Variants in VSX1 observed in about 807,000 individuals in gnomAD.
The protein encoded by VSX1 is visual system homeobox 1, also known as homeodomain protein RINX.
VSX1 carries 23 observed loss-of-function variants against 23.6 expected under a neutral mutation model. That is an observed-to-expected ratio of 0.97 (90% CI 0.70 to 1.38). The LOEUF (loss-of-function observed/expected upper bound fraction) is 1.38. Ranked by LOEUF, VSX1 falls within the 40% of genes most tolerant of loss-of-function variation. The pLI is 0.00. For synonymous variants in VSX1, 247 were observed against 215.1 expected (o/e 1.15, Z -1.30); for missense variants, 517 against 495.4 (o/e 1.04, Z -0.41).
At position 25,076,502 on chromosome 20, in the gene VSX1, T is replaced by C; in HGVS notation, c.857A>G (p.Asp286Gly). Residue 286 changes from aspartate to glycine, a missense_variant, in exon 5 of 5, where the codon GAT becomes GGT. Physicochemically the swap from Asp to Gly is moderately conservative, Grantham distance 94 (BLOSUM62 -1). Transcript: ENST00000376709. ...AGAGCCCCAGAGTCCTGCCAACTTA[T>C]CTTCACTTCCTGGCTTCCTTATCAT... ...MGMIRKPGSE[D>G]KLAGLWGSDH... The C allele has an allele frequency of 1.2e-6, 2 of 1,613,834 alleles. No homozygotes were observed. The highest frequency in any genetic ancestry group is 1.7e-6 in the Non-Finnish European group (2 of 1,179,932).
At position 25,078,778 on chromosome 20, in the gene VSX1, T is replaced by C. The variant is rs548563431; in HGVS notation, c.627+51A>G. On this transcript the variant is annotated intron_variant, in intron 3 of 4. Coordinates refer to ENST00000376709, the MANE Select transcript of VSX1 (RefSeq NM_014588.6). ...CTGATTGGCTCACTGAATGTGGGAA[T>C]GACACGTTCTCTGTGGTATCTTTGG... 3 of 1,614,182 alleles carry C rather than the reference T, an allele frequency of 1.9e-6. No individual in the cohort carries two copies. In the African/African-American group the frequency reaches 4.0e-5, roughly 22 times the overall value.
Position 25,082,125 on chromosome 20 carries a change from C to G in VSX1, c.-29G>C. ...TCCTTAGCAAGCAAGGCGCGAGCCTCTCTGGATCCCGTTTGCGGAGGGCCC... is the reference window on the plus strand; with the variant it reads ...TCCTTAGCAAGCAAGGCGCGAGCCTGTCTGGATCCCGTTTGCGGAGGGCCC... On this transcript the variant is annotated 5_prime_UTR_variant, in exon 1 of 5. Coordinates refer to ENST00000376709, the MANE Select transcript of VSX1 (RefSeq NM_014588.6). 1 of 1,536,536 alleles carries G rather than the reference C, an allele frequency of 6.5e-7. No homozygotes were observed. Among genetic ancestry groups the G allele is most frequent in the South Asian group, 1.2e-5 (1 of 84,146 alleles).
chr20:25,076,058 G>A lies in VSX1; in HGVS notation c.*203C>T. On this transcript the variant is annotated 3_prime_UTR_variant, in exon 5 of 5. Transcript: ENST00000376709. ...GTTAACTGGTTAAAGTGCCATTAAG[G>A]AACCGTTTCCATTCTAGAATGAAAT... 1 of 683,638 alleles carries A rather than the reference G, an allele frequency of 1.5e-6. No homozygotes were observed. Among genetic ancestry groups the A allele is most frequent in the East Asian group, 2.8e-5 (1 of 36,298 alleles). 42.3% of individuals were successfully genotyped at this position (683,638 alleles called of 1,614,324 possible).
Position 25,078,883 on chromosome 20 carries a change from C to T in VSX1, c.573G>A (p.Val191=), listed in dbSNP as rs763260738. The change falls in exon 3 of 5, where the codon GTG becomes GTA. Residue 191 remains valine (V), a synonymous_variant. Coordinates refer to ENST00000376709, the MANE Select transcript of VSX1 (RefSeq NM_014588.6). ...KAFSEAHYPD[V]YAREMLAVKT... The stretch of plus-strand genomic sequence containing the variant: ...TCACAGCCAGCATTTCTCGGGCATA[C>T]ACATCAGGGTAGTGGGCCTCGCTGA... 4.3e-6 allele frequency: 7 copies of T among 1,614,110 alleles called. No individual in the cohort carries two copies. Among genetic ancestry groups the T allele is most frequent in the South Asian group, 1.1e-5 (1 of 91,090 alleles).
chr20:25,081,811 C>T lies in VSX1; in HGVS notation c.286G>A (p.Ala96Thr). 2.0e-6 allele frequency: 3 copies of T among 1,501,840 alleles called. No individual in the cohort carries two copies. The highest frequency in any genetic ancestry group is 1.4e-5 in the African/African-American group (1 of 69,096). The allele number at this position is 1,501,840 out of a possible 1,614,324, so 93.0% of individuals were successfully genotyped here. The change falls in exon 1 of 5, where the codon GCT (alanine) becomes ACT (threonine). Residue 96 changes from alanine (A) to threonine (T), a missense_variant. Coordinates refer to ENST00000376709, the MANE Select transcript of VSX1 (RefSeq NM_014588.6). The part of the protein sequence containing the change: ...CGFGTQPPAA[A>T]RAPCLLLADV... ...GCTAGGAGCAGGCAGGGTGCTCGAGCGGCCGCCGGCGGCTGCGTGCCGAAG... is the reference window on the plus strand; with the variant it reads ...GCTAGGAGCAGGCAGGGTGCTCGAGTGGCCGCCGGCGGCTGCGTGCCGAAG...
downstream of VSX1, among the ~76,000 whole-genome samples, chr20:25,073,704 GA>G (rs2089429085): frequency 6.6e-6 from 1 of 152,220 alleles, no homozygotes; most frequent in Non-Finnish European, 1.5e-5. Flanking sequence ...ACTCCTTGAT[GA>G]AATGTGGCCA....
chr20:25,077,794 G>A lies in VSX1; in HGVS notation c.699C>T (p.Ala233=). Residue 233 remains alanine (A), a synonymous_variant, in exon 4 of 5, where the codon GCC becomes GCT. Coordinates refer to ENST00000376709, the MANE Select transcript of VSX1 (RefSeq NM_014588.6). ...EKRWGGSSVM[A]EYGLYGAMVR... The stretch of plus-strand genomic sequence containing the variant: ...CCATGGCCCCGTACAGCCCGTACTC[G>A]GCCATCACGCTGCTGCCGCCCCAGC... 1.9e-6 allele frequency: 3 copies of A among 1,551,182 alleles called. No individual in the cohort carries two copies. Among genetic ancestry groups the A allele is most frequent in the Non-Finnish European group, 2.6e-6 (3 of 1,147,024 alleles).
In VSX1 at chr20:25,079,501, C is replaced by G; in HGVS notation, c.438G>C (p.Gln146His). The change falls in exon 2 of 5, where the codon CAG (glutamine) becomes CAC (histidine). Residue 146 changes from glutamine (Q) to histidine (H), a missense_variant. By Grantham distance (24) the Gln-to-His change is conservative. Coordinates refer to ENST00000376709, the MANE Select transcript of VSX1 (RefSeq NM_014588.6). ...CCTTTAGGTCATTCCTGTCTTCAGACTGGCTGTCCTCATCTGATGGCACAG... is the reference window on the plus strand; with the variant it reads ...CCTTTAGGTCATTCCTGTCTTCAGAGTGGCTGTCCTCATCTGATGGCACAG... Reference protein sequence around the residue: ...DSVSTSDEDSQSEDRNDLKAS... With the variant: ...DSVSTSDEDSHSEDRNDLKAS... 1.2e-6 allele frequency: 2 copies of G among 1,612,266 alleles called. No homozygotes were observed. Among genetic ancestry groups the G allele is most frequent in the South Asian group, 2.2e-5 (2 of 90,450 alleles).
chr20:25,076,276 C>T lies in VSX1; in HGVS notation c.1083G>A (p.Lys361=), dbSNP rs764304635. 2.5e-6 allele frequency: 4 copies of T among 1,614,090 alleles called. No individual in the cohort carries two copies. The highest frequency in any genetic ancestry group is 2.7e-5 in the African/African-American group (2 of 74,934). The change falls in exon 5 of 5, where the codon AAG becomes AAA. Residue 361 remains lysine (K), a synonymous_variant. Coordinates refer to ENST00000376709, the MANE Select transcript of VSX1 (RefSeq NM_014588.6). The part of the protein sequence containing the change: ...STALEGPQPG[K]VGAT ...CCTGTGGGTCTCATGTGGCTCCCACCTTCCCTGGCTGGGGCCCCTCCAGTG... is the reference window on the plus strand; with the variant it reads ...CCTGTGGGTCTCATGTGGCTCCCACTTTCCCTGGCTGGGGCCCCTCCAGTG...
rs2089493206 is a variant in VSX1, at chr20:25,076,428, C to T, written c.931G>A (p.Gly311Ser). 3.1e-6 allele frequency: 5 copies of T among 1,614,062 alleles called. No individual in the cohort carries two copies. Among genetic ancestry groups the T allele is most frequent in the Non-Finnish European group, 4.2e-6 (5 of 1,180,042 alleles). The change falls in exon 5 of 5, where the codon GGC (glycine) becomes AGC (serine). Residue 311 changes from glycine to serine, a missense_variant. By Grantham distance (56) the Gly-to-Ser change is moderately conservative. Coordinates refer to ENST00000376709, the MANE Select transcript of VSX1 (RefSeq NM_014588.6). Reference sequence around the variant, plus strand: ...TTCTCAGGGCTCACTTTATCTGAGCCTCTCTGTGATCCTGACTCACTCTGG... The same window carrying T: ...TTCTCAGGGCTCACTTTATCTGAGCTTCTCTGTGATCCTGACTCACTCTGG... ...SSQSESGSQR[G>S]SDKVSPENGL...
downstream of VSX1, among the ~76,000 whole-genome samples, chr20:25,073,903 C>A (rs1033068611): frequency 1.3e-5 from 2 of 152,102 alleles, no homozygotes; most frequent in East Asian, 1.9e-4. Flanking sequence ...CCTTGCACAG[C>A]CAGGGAGAGA....
chr20:25,072,700 T>C (rs1377029251), downstream of VSX1: 1 of 470,860 alleles, frequency 2.1e-6, no homozygotes, highest in Non-Finnish European at 4.4e-6. Context: ...CAGAAAACAA[T>C]TGTGTTTTCA....
Position 25,078,965 on chromosome 20 carries a change from C to A in VSX1, c.504-13G>T, listed in dbSNP as rs373867952. The A allele has an allele frequency of 2.5e-5, 41 of 1,613,022 alleles. No individual in the cohort carries two copies. The highest frequency in any genetic ancestry group is 3.5e-5 in the Non-Finnish European group (41 of 1,180,012). On this transcript the variant is annotated splice_polypyrimidine_tract_variant and intron_variant, in intron 2 of 4. Coordinates refer to ENST00000376709, the MANE Select transcript of VSX1 (RefSeq NM_014588.6). The stretch of plus-strand genomic sequence containing the variant: ...AGTGAAAACTGTCCTGCAAGGACCC[C>A]AAAACACACAGGTGGGCACATGTCC...
Position 25,076,236 on chromosome 20 carries a change from C to A in VSX1, c.*25G>T, listed in dbSNP as rs773657689. ...CAGTGAGGAATATGCACATTTTCAG[C>A]CTTTGACAGTGGGACCTGTGGGTCT... On this transcript the variant is annotated 3_prime_UTR_variant, in exon 5 of 5. Coordinates refer to ENST00000376709, the MANE Select transcript of VSX1 (RefSeq NM_014588.6). The A allele has an allele frequency of 6.2e-7, 1 of 1,613,558 alleles. No homozygotes were observed. The highest frequency in any genetic ancestry group is 1.1e-5 in the South Asian group (1 of 91,042).
chr20:25,076,765 G>GATGACAC (rs1487698307), intron 4 of VSX1, among the ~76,000 whole-genome samples: 1 of 152,126 alleles, frequency 6.6e-6, no homozygotes, highest in Non-Finnish European at 1.5e-5. Flanking sequence ...AGGTGTTTAG[G>GATGACAC]ATGACACAGT....
intron 1 of VSX1, among the ~76,000 whole-genome samples, chr20:25,080,214 ATT>A: frequency 6.6e-6 from 1 of 152,380 alleles, no homozygotes; most frequent in South Asian, 2.1e-4. Context: ...CTATTGTGAG[ATT>A]CATTGCTAGA....
intron 3 of VSX1, 170 bp from the exon 4 acceptor site, chr20:25,078,035 C>T: frequency 3.4e-6 from 3 of 871,850 alleles, no homozygotes; most frequent in Non-Finnish European, 5.3e-6. Context: ...TCAGGGAGAG[C>T]GCCCAGGAGC....
At chr20:25,072,166 T>A (rs181989273), downstream of VSX1, 169 of 568,834 alleles carry the variant, frequency 3.0e-4, no homozygotes, top group African/African-American at 2.7e-3. Context: ...CTTAAAATGG[T>A]TGTTTTAAGC....
chr20:25,072,512 A>T (rs1303825206), downstream of VSX1: 1 of 470,698 alleles, frequency 2.1e-6, no homozygotes, highest in African/African-American at 2.0e-5. Flanking sequence ...CAAAGCACTG[A>T]GCTGGGACAG....
Sources: gnomAD v4.1 joint callset for allele counts (sites outside exome capture counted in the v4.1 genomes callset) on GRCh38, gnomAD v4.1.1 for gene constraint, MANE v1.5 for transcripts, NCBI Gene and HGNC (gene_info 2026-07-23, HGNC 2026-07-21) for gene names.